The following RPH3A variants were observed in gnomAD, a reference collection of about 807,000 sequenced individuals.
RPH3A encodes the protein rabphilin 3A, also known as rabphilin-3A.
Under a neutral mutation model 102.2 loss-of-function variants are expected in RPH3A, and 48 were observed. The observed-to-expected ratio is 0.47, with a 90% CI of 0.37 to 0.60. RPH3A has a LOEUF of 0.60. Among genes scored for constraint, RPH3A ranks in the 20% least tolerant of loss-of-function variants. RPH3A has a pLI of 0.00. For missense variants in RPH3A, 781 were observed against 910.1 expected (o/e 0.86, Z 1.83); for synonymous variants, 310 against 324.3 (o/e 0.96, Z 0.47).
At chr12:112,746,994 TC>T (rs1394397901) in intron 1 of RPH3A, among the ~76,000 whole-genome samples, 1 of 152,178 alleles carries the variant, frequency 6.6e-6, no homozygotes, top group African/African-American at 2.4e-5. Flanking sequence ...TGTGCCCCCT[TC>T]CCAAATTTCT....
chr12:112,879,113 C>T lies in RPH3A; in HGVS notation c.1172-6C>T. The T allele has an allele frequency of 1.2e-6, 2 of 1,613,400 alleles. No individual in the cohort carries two copies. The highest frequency in any genetic ancestry group is 1.7e-6 in the Non-Finnish European group (2 of 1,179,494). On this transcript the variant is annotated splice_region_variant and splice_polypyrimidine_tract_variant and intron_variant, in intron 13 of 21. Coordinates refer to ENST00000389385, the MANE Select transcript of RPH3A (RefSeq NM_001143854.2). Reference sequence around the variant, plus strand: ...TTATCTTGGTTCCTGTCTCTGCCCCCTTCAGCCACCCTGGGTGCCCTGGAA... The same window carrying T: ...TTATCTTGGTTCCTGTCTCTGCCCCTTTCAGCCACCCTGGGTGCCCTGGAA...
chr12:112,694,218 G>GT (rs751971894), intron 1 of RPH3A, among the ~76,000 whole-genome samples: 60 of 152,228 alleles, frequency 3.9e-4, no homozygotes, highest in Admixed American at 5.2e-4. Flanking sequence ...AACCTGACCC[G>GT]TTATTGCTGG....
At chr12:112,578,264 G>A (rs555960161) in intron 1 of RPH3A, among the ~76,000 whole-genome samples, 1 of 152,274 alleles carries the variant, frequency 6.6e-6, no homozygotes, top group African/African-American at 2.4e-5. Flanking sequence ...AATAGTGGCT[G>A]TCTGTGACTG....
intron 1 of RPH3A, among the ~76,000 whole-genome samples, chr12:112,631,681 C>T (rs982757322): frequency 5.3e-5 from 8 of 151,824 alleles, no homozygotes; most frequent in African/African-American, 1.9e-4. Flanking sequence ...TGCCACCGCA[C>T]CTGCTAATTT....
intron 5 of RPH3A, among the ~76,000 whole-genome samples, chr12:112,856,511 T>G (rs1275380458): frequency 6.6e-6 from 1 of 151,754 alleles, no homozygotes; most frequent in Admixed American, 6.6e-5. Flanking sequence ...TGTGTGTGTG[T>G]GTATTCATAG....
chr12:112,608,125 T>C (rs1326104494), intron 1 of RPH3A, among the ~76,000 whole-genome samples: 1 of 151,810 alleles, frequency 6.6e-6, no homozygotes, highest in African/African-American at 2.4e-5. Flanking sequence ...TTTTCTTTTT[T>C]TTTTTTTTGA....
intron 4 of RPH3A, among the ~76,000 whole-genome samples, chr12:112,841,348 A>AACGGGAGATAGT (rs1490107885): frequency 6.6e-6 from 1 of 151,852 alleles, no homozygotes; most frequent in Non-Finnish European, 1.5e-5. Context: ...TGGGAGATAG[A>AACGGGAGATAGT]ACGTGAGATT....
chr12:112,887,572 G>C (rs189482545), intron 16 of RPH3A, among the ~76,000 whole-genome samples: 3 of 152,118 alleles, frequency 2.0e-5, no homozygotes, highest in Non-Finnish European at 2.9e-5. Context: ...CAAATGCAAG[G>C]GTTCATCAAG....
chr12:112,767,160 G>T (rs575077314), intron 1 of RPH3A, among the ~76,000 whole-genome samples: 4 of 152,274 alleles, frequency 2.6e-5, no homozygotes, highest in African/African-American at 9.6e-5. Context: ...TCAAGATAGT[G>T]GTTTTCCCAG....
At chr12:112,584,117 C>T (rs958900434) in intron 1 of RPH3A, among the ~76,000 whole-genome samples, 47 of 152,206 alleles carry the variant, frequency 3.1e-4, no homozygotes, top group Admixed American at 2.4e-3. Flanking sequence ...CTGCAGAAAA[C>T]GGGGAATCCA....
chr12:112,753,175 A>ATTATGT (rs1407410379), intron 1 of RPH3A, among the ~76,000 whole-genome samples: 32 of 150,736 alleles, frequency 2.1e-4, no homozygotes, highest in African/African-American at 7.3e-4. Context: ...ACACGATTCC[A>ATTATGT]CTCCTGCTTT....
chr12:112,595,622 C>A (rs2039511082), intron 1 of RPH3A, among the ~76,000 whole-genome samples: 1 of 152,114 alleles, frequency 6.6e-6, no homozygotes, highest in Non-Finnish European at 1.5e-5. Context: ...CAACCCCACC[C>A]CCCTAACCAC....
intron 14 of RPH3A, among the ~76,000 whole-genome samples, chr12:112,880,399 T>C (rs753742697): frequency 6.6e-6 from 1 of 152,210 alleles, no homozygotes; most frequent in Non-Finnish European, 1.5e-5. Context: ...CATTATTTTG[T>C]TTCCTTTTTA....
intron 2 of RPH3A, among the ~76,000 whole-genome samples, chr12:112,801,440 A>G (rs2030556227): frequency 6.6e-6 from 1 of 152,202 alleles, no homozygotes; most frequent in South Asian, 2.1e-4. Flanking sequence ...GGGCAGGCCT[A>G]TGTAGCCAGC....
At chr12:112,719,933 C>T (rs2136041637) in intron 1 of RPH3A, among the ~76,000 whole-genome samples, 1 of 152,304 alleles carries the variant, frequency 6.6e-6, no homozygotes, top group South Asian at 2.1e-4. Context: ...CACTTGCTTT[C>T]TTTTCTGAGT....
chr12:112,664,708 C>A (rs2040072597), intron 1 of RPH3A, among the ~76,000 whole-genome samples: 1 of 152,070 alleles, frequency 6.6e-6, no homozygotes, highest in Non-Finnish European at 1.5e-5. Flanking sequence ...AGGTCATCCG[C>A]TGGTAACTGT....
chr12:112,678,776 G>A lies in RPH3A; in HGVS notation c.-140+103457G>A, dbSNP rs116372604. ...GGAGATGGGGACGGGACACAGCATC[G>A]TCATAGCATTGTCATATGTCTTCCT... On this transcript the variant is annotated intron_variant, in intron 1 of 21. Transcript: ENST00000543106. 4.1e-3 allele frequency among the ~76,000 whole-genome samples: 628 copies of A among 152,252 alleles called. 6 individuals carry two copies. The highest frequency in any genetic ancestry group is 0.014 in the African/African-American group (593 of 41,552).
intron 1 of RPH3A, among the ~76,000 whole-genome samples, chr12:112,622,538 C>G (rs1165820883): frequency 7.0e-6 from 1 of 143,640 alleles, no homozygotes; most frequent in African/African-American, 2.6e-5. Flanking sequence ...AGCAAAGCCT[C>G]CAAGAAATAT....
chr12:112,656,629 G>T (rs545051336), intron 1 of RPH3A, among the ~76,000 whole-genome samples: 1 of 151,940 alleles, frequency 6.6e-6, no homozygotes, highest in Non-Finnish European at 1.5e-5. Context: ...ATGTCCATTT[G>T]TACTCATCGT....
Sources: gnomAD v4.1 joint callset for allele counts (sites outside exome capture counted in the v4.1 genomes callset) on GRCh38, gnomAD v4.1.1 for gene constraint, MANE v1.5 for transcripts, NCBI Gene and HGNC (gene_info 2026-07-23, HGNC 2026-07-21) for gene names.